Variants in TFRC observed in about 807,000 individuals in gnomAD.
The protein encoded by TFRC is transferrin receptor.
In TFRC, 35 loss-of-function variants were observed where a neutral mutation model predicts 85.8. The ratio of observed to expected loss-of-function variants is 0.41; its 90% CI spans 0.31 to 0.54. The LOEUF is 0.54. TFRC is among the 20% of genes least tolerant of loss of function. The pLI is 0.31. For missense variants in TFRC, 828 were observed against 921.5 expected (o/e 0.90, Z 1.31); for synonymous variants, 362 against 328.6 (o/e 1.10, Z -1.10).
intron 1 of TFRC, among the ~76,000 whole-genome samples, chr3:196,081,600 C>G (rs917609655): frequency 6.6e-6 from 1 of 152,214 alleles, no homozygotes; most frequent in East Asian, 1.9e-4. Flanking sequence ...TGGCTGCGCC[C>G]GCGCTCCCGG....
chr3:196,060,900 C>T (rs1338297065), intron 13 of TFRC, among the ~76,000 whole-genome samples: 1 of 151,282 alleles, frequency 6.6e-6, no homozygotes, highest in Non-Finnish European at 1.5e-5. Flanking sequence ...ACTGCCCCCA[C>T]ACATGTGCAG....
chr3:196,069,376 T>C, intron 7 of TFRC, 79 bp downstream of exon 7: 3 of 814,088 alleles, frequency 3.7e-6, no homozygotes, highest in Admixed American at 2.8e-5. Flanking sequence ...AATGTAAGAA[T>C]ATTAACAAGA....
chr3:196,062,913 T>G lies in TFRC; in HGVS notation c.1345A>C (p.Ile449Leu). The G allele has an allele frequency of 6.2e-7, 1 of 1,614,108 alleles. No individual in the cohort carries two copies. The highest frequency in any genetic ancestry group is 1.1e-5 in the South Asian group (1 of 91,076). ...TCTCCAGCACTCCAACTGGCAAAGA[T>G]AATGCTTCTGCTGGGCTGAAACCCA... The part of the protein sequence containing the change: ...KDGFQPSRSI[I>L]FASWSAGDFG... Residue 449 changes from isoleucine to leucine, a missense_variant, in exon 12 of 19, where the codon ATC (isoleucine) becomes CTC (leucine). Ile to Leu is a conservative substitution (Grantham distance 5). Transcript: ENST00000360110.
chr3:196,064,910 C>A (rs1717585703), intron 10 of TFRC, among the ~76,000 whole-genome samples: 1 of 152,194 alleles, frequency 6.6e-6, no homozygotes, highest in South Asian at 2.1e-4. Flanking sequence ...ATTTTCTAGT[C>A]ATAATGGTCA....
intron 11 of TFRC, among the ~76,000 whole-genome samples, chr3:196,063,589 G>A (rs1232676207): frequency 6.6e-6 from 1 of 152,102 alleles, no homozygotes; most frequent in Non-Finnish European, 1.5e-5. Context: ...GAATGTGTGG[G>A]TGGGTAGGAG....
chr3:196,070,807 T>TAATAATAATAATAATAATAAA (rs978226944), intron 6 of TFRC, among the ~76,000 whole-genome samples: 33 of 144,586 alleles, frequency 2.3e-4, no homozygotes, highest in South Asian at 2.0e-3. Context: ...ATAATAATAA[T>TAATAATAATAATAATAATAAA]AAAATAAAAA....
rs1716339799 is a variant in TFRC, at chr3:196,051,914, G to A, written c.*28C>T. On this transcript the variant is annotated 3_prime_UTR_variant, in exon 19 of 19. Transcript: ENST00000360110. ...AGTCTAGAAACCAGACTACCCTGCT[G>A]TTCTCATGGAAGCTATGGGTATCAC... 1.2e-6 allele frequency: 2 copies of A among 1,609,568 alleles called. No individual in the cohort carries two copies. The highest frequency in any genetic ancestry group is 4.5e-5 in the East Asian group (2 of 44,822).
In TFRC at chr3:196,062,936, C is replaced by G. The variant is rs372685302; in HGVS notation, c.1322G>C (p.Gly441Ala). The G allele has an allele frequency of 7.7e-5, 124 of 1,613,864 alleles. No individual in the cohort carries two copies. Among genetic ancestry groups the G allele is most frequent in the Middle Eastern group, 1.6e-4 (1 of 6,082 alleles). The change falls in exon 12 of 19, where the codon GGG becomes GCG. Residue 441 changes from glycine to alanine, a missense_variant. Physicochemically the swap from Gly to Ala is moderately conservative, Grantham distance 60 (BLOSUM62 0). Coordinates refer to ENST00000360110, the MANE Select transcript of TFRC (RefSeq NM_001128148.3). ...QMFSDMVLKD[G>A]FQPSRSIIFA... is the part of the protein sequence containing the mutation. The stretch of plus-strand genomic sequence containing the variant: ...GATAATGCTTCTGCTGGGCTGAAAC[C>G]CATCTGAAAGAGAAAAAAGTTAGCT...
chr3:196,056,916 G>A (rs995951363), intron 16 of TFRC, among the ~76,000 whole-genome samples: 2 of 152,046 alleles, frequency 1.3e-5, no homozygotes, highest in Admixed American at 1.3e-4. Context: ...CTGCCTCCCA[G>A]GTTCAAGCGA....
chr3:196,058,802 A>G, intron 14 of TFRC, 170 bp from the exon 15 acceptor site: 1 of 416,816 alleles, frequency 2.4e-6, no homozygotes, highest in South Asian at 4.2e-5. Flanking sequence ...AGTTATTACT[A>G]ACTAGGCTCA....
At chr3:196,082,011 G>C (rs1041526110) in intron 1 of TFRC, 32 bp downstream of exon 1, 2 of 152,556 alleles carry the variant, frequency 1.3e-5, no homozygotes, top group African/African-American at 4.8e-5. Flanking sequence ...GAGGACACGA[G>C]GGTCGGTGTA....
intron 13 of TFRC, 76 bp downstream of exon 13, chr3:196,062,506 C>T: frequency 7.4e-7 from 1 of 1,348,090 alleles, no homozygotes; most frequent in Non-Finnish European, 1.1e-6. Context: ...GCACTCCAGC[C>T]TGGGCGACAA....
At chr3:196,080,966 G>A (rs942789994) in intron 1 of TFRC, among the ~76,000 whole-genome samples, 1 of 152,112 alleles carries the variant, frequency 6.6e-6, no homozygotes, top group Non-Finnish European at 1.5e-5. Context: ...TCTTATCAAC[G>A]GGGAAGAAAA....
intron 17 of TFRC, 88 bp downstream of exon 17, chr3:196,054,992 C>G: frequency 1.6e-6 from 2 of 1,280,592 alleles, no homozygotes; most frequent in Non-Finnish European, 2.2e-6. Context: ...CTACAATCAC[C>G]CTTCCAACAG....
chr3:196,069,398 C>T (rs1324779763), intron 7 of TFRC, 57 bp downstream of exon 7: 2 of 983,088 alleles, frequency 2.0e-6, no homozygotes, highest in South Asian at 3.0e-5. Flanking sequence ...ATATCACTTA[C>T]CTGAAGAGTA....
chr3:196,071,740 C>G (rs1255077100), intron 5 of TFRC, among the ~76,000 whole-genome samples: 1 of 152,164 alleles, frequency 6.6e-6, no homozygotes, highest in South Asian at 2.1e-4. Context: ...CCCACCTCTA[C>G]TAAAAATACA....
Position 196,055,280 on chromosome 3 carries a change from C to T in TFRC, c.1699G>A (p.Gly567Ser), listed in dbSNP as rs779407648. The change falls in exon 17 of 19, where the codon GGT becomes AGT. Residue 567 changes from glycine (G) to serine (S), a missense_variant. Physicochemically the swap from Gly to Ser is moderately conservative, Grantham distance 56. Coordinates refer to ENST00000360110, the MANE Select transcript of TFRC (RefSeq NM_001128148.3). ...FCEDTDYPYL[G>S]TTMDTYKELI... ...TCCTTATAGGTGTCCATGGTGGTAC[C>T]CAAATAAGGATAATCTGTGTCCTGC... The T allele has an allele frequency of 1.2e-6, 2 of 1,614,088 alleles. No individual in the cohort carries two copies. The highest frequency in any genetic ancestry group is 4.5e-5 in the East Asian group (2 of 44,886).
chr3:196,059,450 C>T (rs564647735), intron 14 of TFRC, among the ~76,000 whole-genome samples: 1 of 152,212 alleles, frequency 6.6e-6, no homozygotes, highest in Non-Finnish European at 1.5e-5. Flanking sequence ...ATGCCACCAA[C>T]CTAACTGGCA....
chr3:196,075,934 C>G (rs1014009965), intron 2 of TFRC, among the ~76,000 whole-genome samples: 1 of 151,384 alleles, frequency 6.6e-6, no homozygotes, highest in Non-Finnish European at 1.5e-5. Flanking sequence ...TTGAGACAAG[C>G]CTGACCAACA....
Sources: gnomAD v4.1 joint callset for allele counts (sites outside exome capture counted in the v4.1 genomes callset) on GRCh38, gnomAD v4.1.1 for gene constraint, MANE v1.5 for transcripts, NCBI Gene and HGNC (gene_info 2026-07-23, HGNC 2026-07-21) for gene names.